PRSS23: variants seen among roughly 807,000 people sequenced by gnomAD.
PRSS23 encodes the protein serine protease 23.
A neutral mutation model predicts 34.7 loss-of-function variants in PRSS23; 25 were observed. The ratio of observed to expected loss-of-function variants is 0.72; its 90% confidence interval spans 0.53 to 1.01. The LOEUF (loss-of-function observed/expected upper bound fraction) is 1.01. PRSS23 is among the 50% of genes least tolerant of loss of function. The probability of loss-of-function intolerance (pLI) is 0.00; values close to 1 mark genes in which losing one functional copy is unlikely to be tolerated. For missense variants in PRSS23, 445 were observed against 475.6 expected (o/e 0.94, Z 0.60); for synonymous variants, 176 against 186.6 (o/e 0.94, Z 0.46).
At chr11:86,925,295 AGTGTGTGT>A (rs5793226) in intron 2 of PRSS23, among the ~76,000 whole-genome samples, 12 of 149,106 alleles carry the variant, frequency 8.0e-5, no homozygotes, top group Admixed American at 2.0e-4. Flanking sequence ...GTTTAACTGG[AGTGTGTGT>A]GTGTGTGTGT....
At chr11:86,796,566 G>A (rs923167926), upstream of PRSS23, among the ~76,000 whole-genome samples, 2 of 145,604 alleles carry the variant, frequency 1.4e-5, no homozygotes, top group South Asian at 2.2e-4. Context: ...GCGTGAACCC[G>A]GGAGGCGGAG....
At chr11:86,951,096 G>A (rs756626640) in intron 2 of PRSS23, 1 of 1,597,378 alleles carries the variant, frequency 6.3e-7, no homozygotes, top group Non-Finnish European at 8.6e-7. Context: ...CCAAAATGCT[G>A]GCATTCCCCC....
At chr11:86,804,238 C>A (rs1450486585) in intron 1 of PRSS23, among the ~76,000 whole-genome samples, 1 of 152,112 alleles carries the variant, frequency 6.6e-6, no homozygotes, top group African/African-American at 2.4e-5. Flanking sequence ...GGCTTGAGAA[C>A]CCACAGCTGT....
chr11:86,791,098 C>T (rs186958113), exon 1 of PRSS23: 1 of 152,430 alleles, frequency 6.6e-6, no homozygotes, highest in East Asian at 1.9e-4. Context: ...AGAGCTGTCA[C>T]CCTGCAAACT....
intron 1 of PRSS23, among the ~76,000 whole-genome samples, chr11:86,805,419 A>G (rs576066396): frequency 2.0e-5 from 3 of 152,332 alleles, no homozygotes; most frequent in Non-Finnish European, 4.4e-5. Context: ...AGTCTTGGCA[A>G]TATTCCCAAC....
intron 2 of PRSS23, among the ~76,000 whole-genome samples, chr11:86,833,627 A>G (rs1180252387): frequency 6.6e-6 from 1 of 152,182 alleles, no homozygotes; most frequent in African/African-American, 2.4e-5. Flanking sequence ...CTCTCAGGCC[A>G]TAGATGATTG....
intron 2 of PRSS23, among the ~76,000 whole-genome samples, chr11:86,903,955 T>C: frequency 7.0e-6 from 1 of 142,632 alleles, no homozygotes; most frequent in East Asian, 2.0e-4. Flanking sequence ...AGCAATAATT[T>C]AGAATGTGCT....
At chr11:86,868,706 A>T (rs1164402742) in intron 2 of PRSS23, among the ~76,000 whole-genome samples, 1 of 152,180 alleles carries the variant, frequency 6.6e-6, no homozygotes, top group Non-Finnish European at 1.5e-5. Flanking sequence ...GTCTGGATCT[A>T]ACTAGCCCTA....
rs139054276 is a variant in PRSS23 at position 86,944,280 on chromosome 11, A to G, written c.207-6936A>G. Among the ~76,000 whole-genome samples the G allele has an allele frequency of 2.6e-4, 39 of 151,722 alleles. 1 individual carries two copies. The highest frequency in any genetic ancestry group is 8.4e-4 in the South Asian group (4 of 4,774). On this transcript the variant is annotated intron_variant, in intron 2 of 2. Coordinates refer to the PRSS23 transcript ENST00000533902. ...TTCCCAGTTTTTATAAGGATACTAG[A>G]TATTAGATTAGAACCCACCCTAATC...
intron 2 of PRSS23, among the ~76,000 whole-genome samples, chr11:86,880,152 C>T (rs538709127): frequency 3.9e-5 from 6 of 152,276 alleles, no homozygotes; most frequent in Admixed American, 2.0e-4. Flanking sequence ...TTACCCCCAA[C>T]CCTGTGCTCT....
At chr11:86,806,147 A>G (rs1220399566) in intron 1 of PRSS23, among the ~76,000 whole-genome samples, 1 of 152,238 alleles carries the variant, frequency 6.6e-6, no homozygotes, top group East Asian at 1.9e-4. Flanking sequence ...TTCTTTGTTT[A>G]GTACACATAG....
intron 1 of PRSS23, 95 bp from the exon 2 acceptor site, chr11:86,807,536 A>T: frequency 8.3e-7 from 1 of 1,206,446 alleles, no homozygotes; most frequent in Non-Finnish European, 1.2e-6. Flanking sequence ...TCAAAGACTC[A>T]GAAACAATGA....
chr11:86,879,308 A>C (rs1198954189), intron 2 of PRSS23, among the ~76,000 whole-genome samples: 3 of 141,034 alleles, frequency 2.1e-5, no homozygotes, highest in South Asian at 4.7e-4. Context: ...GTCTCTGCCC[A>C]GCCGCCCCGT....
chr11:86,884,024 G>A (rs1481818187), intron 2 of PRSS23, among the ~76,000 whole-genome samples: 1 of 152,042 alleles, frequency 6.6e-6, no homozygotes, highest in Non-Finnish European at 1.5e-5. Flanking sequence ...CACTTCCCAA[G>A]ACAGAAACCC....
At chr11:86,830,378 T>C (rs933766783) in intron 2 of PRSS23, among the ~76,000 whole-genome samples, 2 of 152,192 alleles carry the variant, frequency 1.3e-5, no homozygotes, top group African/African-American at 4.8e-5. Flanking sequence ...GACCCGATTT[T>C]CCAGGTGCCA....
At chr11:86,872,661 A>G (rs1403895421) in intron 2 of PRSS23, among the ~76,000 whole-genome samples, 2 of 152,218 alleles carry the variant, frequency 1.3e-5, no homozygotes, top group African/African-American at 4.8e-5. Context: ...TAAAATTTGG[A>G]GTTATGCATA....
chr11:86,926,315 A>T (rs1257219120), intron 2 of PRSS23, among the ~76,000 whole-genome samples: 1 of 152,216 alleles, frequency 6.6e-6, no homozygotes, highest in Non-Finnish European at 1.5e-5. Flanking sequence ...GTGAGCCAAG[A>T]TCGCACCACT....
intron 2 of PRSS23, chr11:86,947,221 AC>A: frequency 6.0e-6 from 1 of 167,152 alleles, no homozygotes; most frequent in South Asian, 1.3e-4. Flanking sequence ...AAACAAACAA[AC>A]AAACAAACAA....
intron 2 of PRSS23, among the ~76,000 whole-genome samples, chr11:86,833,651 C>G (rs949194051): frequency 6.6e-6 from 1 of 152,046 alleles, no homozygotes; most frequent in African/African-American, 2.4e-5. Flanking sequence ...ATTTCTTTAC[C>G]TCCTGTTTTT....
Sources: gnomAD v4.1 joint callset for allele counts (sites outside exome capture counted in the v4.1 genomes callset) on GRCh38, gnomAD v4.1.1 for gene constraint, MANE v1.5 for transcripts, NCBI Gene and HGNC (gene_info 2026-07-23, HGNC 2026-07-21) for gene names.